Variants in SLC9C2 observed in about 807,000 individuals in gnomAD.
SLC9C2 encodes the protein solute carrier family 9 member C2 (putative), also known as sodium/hydrogen exchanger 11.
A neutral mutation model predicts 140.2 loss-of-function variants in SLC9C2; 75 were observed. That is an observed-to-expected ratio of 0.53 (90% CI 0.44 to 0.65). The LOEUF (loss-of-function observed/expected upper bound fraction) is 0.65, where lower values mean the gene tolerates loss of function less well. Ranked by LOEUF, SLC9C2 falls within the 30% of genes least tolerant of loss-of-function variation. The pLI is 0.00. For missense variants in SLC9C2, 1,074 were observed against 1,331.8 expected (o/e 0.81, Z 3.01); for synonymous variants, 375 against 420.9 (o/e 0.89, Z 1.34).
chr1:173,523,959 G>GCTTGAAGAAA lies in SLC9C2; in HGVS notation c.2640+9_2640+10insTTTCTTCAAG. Reference sequence around the variant, plus strand: ...CAAACCTGAGCCAGAATAGAAAACGGAATCTTTACCTTGAAGAAGTCAATG... The same window carrying GCTTGAAGAAA: ...CAAACCTGAGCCAGAATAGAAAACGGCTTGAAGAAAAATCTTTACCTTGAAGAAGTCAATG... On this transcript the variant is annotated intron_variant, in intron 21 of 27. Transcript: ENST00000367714. The GCTTGAAGAAA allele has an allele frequency of 8.1e-6, 13 of 1,600,942 alleles. No homozygotes were observed. Among genetic ancestry groups the GCTTGAAGAAA allele is most frequent in the Non-Finnish European group, 1.1e-5 (13 of 1,176,476 alleles).
rs753467086 is a variant in SLC9C2, at chr1:173,535,869, A to G, written c.1736T>C (p.Leu579Ser). The G allele has an allele frequency of 3.0e-5, 46 of 1,516,632 alleles. No homozygotes were observed. Among genetic ancestry groups the G allele is most frequent in the Admixed American group, 2.0e-4 (9 of 44,878 alleles). The allele number at this position is 1,516,632 out of a possible 1,614,324, so 93.9% of individuals were successfully genotyped here. A position where few individuals can be genotyped will look rare whatever the true frequency, so the allele number is the denominator to read the frequency against. ...ATGTATCTTTTCTATACAATATTCC[A>G]AGAAAGTTAAAACATTTTTAAACTT... ...LIKFKNVLTF[L>S]EYCIEKIHFI... Residue 579 changes from leucine to serine, a missense_variant, in exon 15 of 28, where the codon TTG becomes TCG. Physicochemically the swap from Leu to Ser is moderately radical, Grantham distance 145. Transcript: ENST00000367714.
chr1:173,537,187 T>G, intron 13 of SLC9C2, 148 bp from the exon 14 acceptor site: 1 of 625,144 alleles, frequency 1.6e-6, no homozygotes, highest in East Asian at 2.7e-5. Flanking sequence ...GAAATAAATA[T>G]CATTCAATGC....
At chr1:173,581,815 G>T in intron 7 of SLC9C2, 32 bp downstream of exon 7, 1 of 1,473,828 alleles carries the variant, frequency 6.8e-7, no homozygotes, top group South Asian at 1.5e-5. Context: ...TTACTTTAAG[G>T]ACAGTAATTT....
At chr1:173,586,196 T>G (rs1485525366) in intron 5 of SLC9C2, among the ~76,000 whole-genome samples, 1 of 152,004 alleles carries the variant, frequency 6.6e-6, no homozygotes, top group Non-Finnish European at 1.5e-5. Context: ...AAAATTGTAC[T>G]TAAGGGAGCA....
At chr1:173,584,080 G>A (rs1420022371) in intron 5 of SLC9C2, among the ~76,000 whole-genome samples, 1 of 152,112 alleles carries the variant, frequency 6.6e-6, no homozygotes, top group Non-Finnish European at 1.5e-5. Context: ...ATTCATAGGA[G>A]CTAAAAGGTG....
chr1:173,526,591 A>G (rs1661213876), intron 19 of SLC9C2, 72 bp downstream of exon 19: 2 of 1,296,020 alleles, frequency 1.5e-6, no homozygotes, highest in Non-Finnish European at 2.2e-6. Context: ...GAAAGCATGA[A>G]TTGTTCTTCT....
chr1:173,537,556 C>T (rs749971944), intron 13 of SLC9C2, among the ~76,000 whole-genome samples: 3 of 151,732 alleles, frequency 2.0e-5, no homozygotes, highest in East Asian at 1.9e-4. Context: ...AGCAAGACTC[C>T]GTCTCAAAAA....
chr1:173,500,953 A>G lies in SLC9C2; in HGVS notation c.*141T>C. 1.1e-6 allele frequency: 1 copy of G among 946,052 alleles called. No homozygotes were observed. The highest frequency in any genetic ancestry group is 1.4e-6 in the Non-Finnish European group (1 of 707,080). The allele number at this position is 946,052 out of a possible 1,614,324, so 58.6% of individuals were successfully genotyped here. On this transcript the variant is annotated 3_prime_UTR_variant, in exon 28 of 28. Transcript: ENST00000367714. ...TTGCTTATAAACTAAATGCAGCAGT[A>G]ACCTGTTTCAGTAGCTTCTAAGTAA...
intron 5 of SLC9C2, among the ~76,000 whole-genome samples, chr1:173,585,952 A>G (rs1022654922): frequency 1.3e-5 from 2 of 152,252 alleles, no homozygotes; most frequent in East Asian, 1.9e-4. Context: ...TGGGGTATAG[A>G]GCGAAACTCC....
intron 18 of SLC9C2, among the ~76,000 whole-genome samples, chr1:173,527,814 G>A (rs1661311652): frequency 6.6e-6 from 1 of 152,044 alleles, no homozygotes; most frequent in African/African-American, 2.4e-5. Flanking sequence ...AAGTTTTTGT[G>A]GGGTTTTTTT....
chr1:173,530,073 G>T lies in SLC9C2; in HGVS notation c.2164-19C>A. The T allele has an allele frequency of 3.9e-6, 6 of 1,546,084 alleles. No individual in the cohort carries two copies. Among genetic ancestry groups the T allele is most frequent in the Non-Finnish European group, 5.2e-6 (6 of 1,154,260 alleles). On this transcript the variant is annotated intron_variant, in intron 17 of 27. Transcript: ENST00000367714. ...CTATTATCTGGAATAATGAGAAGAA[G>T]AAAAAAAAACCTGTACATTTGATGA...
chr1:173,547,163 T>C (rs1244556436), intron 13 of SLC9C2, among the ~76,000 whole-genome samples: 1 of 152,106 alleles, frequency 6.6e-6, no homozygotes, highest in Non-Finnish European at 1.5e-5. Context: ...ATAACTCCAG[T>C]TTAAAATGTA....
At chr1:173,590,196 T>C (rs1666076536) in intron 4 of SLC9C2, among the ~76,000 whole-genome samples, 1 of 151,156 alleles carries the variant, frequency 6.6e-6, no homozygotes, top group Non-Finnish European at 1.5e-5. Context: ...TGAGCTGAGA[T>C]TGTGCCATGG....
intron 23 of SLC9C2, 60 bp from the exon 24 acceptor site, chr1:173,509,759 C>A: frequency 6.6e-7 from 1 of 1,526,010 alleles, no homozygotes; most frequent in Non-Finnish European, 8.7e-7. Context: ...ACAAGACCAT[C>A]AAAAAACAAG....
chr1:173,540,625 A>G (rs1199407258), intron 13 of SLC9C2, among the ~76,000 whole-genome samples: 1 of 152,188 alleles, frequency 6.6e-6, no homozygotes, highest in Non-Finnish European at 1.5e-5. Context: ...CTGTCACCTG[A>G]GGCAACTCGG....
intron 9 of SLC9C2, among the ~76,000 whole-genome samples, chr1:173,570,274 T>A (rs1158954428): frequency 2.6e-5 from 4 of 152,128 alleles, no homozygotes; most frequent in African/African-American, 9.7e-5. Context: ...TGATGAATCC[T>A]GCCAGGACTG....
In SLC9C2 at chr1:173,506,922, A is replaced by G; in HGVS notation, c.3159T>C (p.Ser1053=). The G allele has an allele frequency of 6.2e-7, 1 of 1,613,834 alleles. No homozygotes were observed. The highest frequency in any genetic ancestry group is 8.5e-7 in the Non-Finnish European group (1 of 1,179,900). The change falls in exon 25 of 28, where the codon AGT becomes AGC. Residue 1053 remains serine, a synonymous_variant. Coordinates refer to ENST00000367714, the MANE Select transcript of SLC9C2 (RefSeq NM_178527.4). ...GTTCCTCTGTCTTAGTATCAATTAC[A>G]CTGCCATACACAATGATAACAAATT... The part of the protein sequence containing the change: ...TMKFVIIVYG[S]VIDTKTEEPY...
At chr1:173,505,121 A>G in intron 26 of SLC9C2, 126 bp downstream of exon 26, 1 of 766,198 alleles carries the variant, frequency 1.3e-6, no homozygotes, top group Non-Finnish European at 2.1e-6. Flanking sequence ...GGTGGGCCCA[A>G]GGATGGGGAC....
intron 8 of SLC9C2, among the ~76,000 whole-genome samples, chr1:173,574,726 G>A (rs1665057318): frequency 7.2e-6 from 1 of 139,700 alleles, no homozygotes; most frequent in Admixed American, 7.8e-5. Context: ...TAGCCAGGAT[G>A]GTCTTGATCT....
Sources: gnomAD v4.1 joint callset for allele counts (sites outside exome capture counted in the v4.1 genomes callset) on GRCh38, gnomAD v4.1.1 for gene constraint, MANE v1.5 for transcripts, NCBI Gene and HGNC (gene_info 2026-07-23, HGNC 2026-07-21) for gene names.